The following CRB2 variants were observed in gnomAD, a reference collection of about 807,000 sequenced individuals.
CRB2 encodes the protein crumbs cell polarity complex component 2, also known as protein crumbs homolog 2.
A neutral mutation model predicts 110.9 loss-of-function variants in CRB2; 85 were observed. The observed-to-expected ratio is 0.77, with a 90% CI of 0.64 to 0.92. The LOEUF is 0.92. Ranked by LOEUF, CRB2 falls within the 40% of genes least tolerant of loss-of-function variation. The probability of loss-of-function intolerance (pLI) is 0.00; values close to 1 mark genes in which losing one functional copy is unlikely to be tolerated. For missense variants in CRB2, 1,843 were observed against 1,851.3 expected, an observed-to-expected ratio of 1.00 and a Z score of 0.08; for synonymous variants, 907 against 831.0, an observed-to-expected ratio of 1.09 and a Z score of -1.57.
chr9:123,367,637 C>T lies in CRB2; in HGVS notation c.1005C>T (p.Cys335=). Residue 335 remains cysteine, a synonymous_variant, in exon 6 of 13, where the codon TGC becomes TGT. Coordinates refer to ENST00000373631, the MANE Select transcript of CRB2 (RefSeq NM_173689.7). The part of the protein sequence containing the change: ...ASRPCLNGGH[C]QDLPNGFQCH... Reference sequence around the variant, plus strand: ...GGCCATGCCTCAACGGAGGCCACTGCCAGGACCTGCCCAATGGCTTCCAGT... The same window carrying T: ...GGCCATGCCTCAACGGAGGCCACTGTCAGGACCTGCCCAATGGCTTCCAGT... 6.4e-7 allele frequency: 1 copy of T among 1,570,660 alleles called. No individual in the cohort carries two copies.
chr9:123,359,441 GT>G (rs375773781), intron 1 of CRB2, among the ~76,000 whole-genome samples: 46,617 of 95,102 alleles, frequency 0.49, 10,448 homozygotes, highest in South Asian at 0.56. Context: ...TTTTTGTTTT[GT>G]TTTTTTTTTT....
chr9:123,356,535 AGT>A (rs2041801215), intron 1 of CRB2, among the ~76,000 whole-genome samples, 181 bp downstream of exon 1: 1 of 106,050 alleles, frequency 9.4e-6, no homozygotes, highest in Non-Finnish European at 1.8e-5. Context: ...CACGGAGGTG[AGT>A]GTGTTCTGAG....
At chr9:123,379,275 G>A (rs1391730196), downstream of CRB2, among the ~76,000 whole-genome samples, 2 of 152,242 alleles carry the variant, frequency 1.3e-5, no homozygotes, top group East Asian at 3.9e-4. Flanking sequence ...AAACACCAGC[G>A]TCCAACAGAG....
At chr9:123,376,780 G>T in intron 12 of CRB2, 58 bp from the exon 13 acceptor site, 11 of 1,466,472 alleles carry the variant, frequency 7.5e-6, no homozygotes, top group Non-Finnish European at 1.0e-5. Flanking sequence ...GCTCTCTGAG[G>T]GCCCCGGCGT....
At chr9:123,359,278 C>T (rs2041833430) in intron 1 of CRB2, among the ~76,000 whole-genome samples, 1 of 151,876 alleles carries the variant, frequency 6.6e-6, no homozygotes, top group African/African-American at 2.4e-5. Flanking sequence ...CCTTGGGGCC[C>T]AGGGATATTA....
chr9:123,367,155 CGT>C lies in CRB2; in HGVS notation c.755-9_755-8del. ...GCAACCCCGTGAGACCTGATGTCCG[CGT>C]GTGTGTGCCCCCAGGCTACAGCGGC... is the stretch of plus-strand genomic sequence containing the variant. On this transcript the variant is annotated splice_polypyrimidine_tract_variant and intron_variant, in intron 4 of 12. Transcript: ENST00000373631. 1 of 1,566,536 alleles carries C rather than the reference CGT, an allele frequency of 6.4e-7. No homozygotes were observed.
Position 123,373,913 on chromosome 9 carries a change from C to T in CRB2, c.3382C>T (p.Arg1128Cys), listed in dbSNP as rs1400614812. The part of the protein sequence containing the change: ...CRCPPGFGGP[R>C]CRLPVPSKEC... ...CTGCCCGCCTGGCTTCGGGGGCCCG[C>T]GCTGCAGGTGGGATGGCTGGGCAGG... is the stretch of plus-strand genomic sequence containing the variant. The change falls in exon 10 of 13, where the codon CGC becomes TGC. Residue 1128 changes from arginine (R) to cysteine (C), a missense_variant. By Grantham distance (180) the Arg-to-Cys change is radical (BLOSUM62 -3). Coordinates refer to ENST00000373631, the MANE Select transcript of CRB2 (RefSeq NM_173689.7). 6 of 1,549,250 alleles carry T rather than the reference C, an allele frequency of 3.9e-6. No homozygotes were observed. Among genetic ancestry groups the T allele is most frequent in the South Asian group, 2.4e-5 (2 of 84,272 alleles).
upstream of CRB2, among the ~76,000 whole-genome samples, chr9:123,354,179 C>A (rs575153008): frequency 1.3e-5 from 2 of 152,344 alleles, no homozygotes; most frequent in African/African-American, 4.8e-5. Flanking sequence ...CCGGTGCTGT[C>A]GGGGGAGCCC....
At chr9:123,367,446 ACCCCACAC>A in intron 5 of CRB2, 89 bp downstream of exon 5, 1 of 130,640 alleles carries the variant, frequency 7.7e-6, no homozygotes, top group Non-Finnish European at 1.2e-5. Context: ...CCACCCCCCC[ACCCCACAC>A]CCCACACCCG....
At chr9:123,355,219 T>A (rs2041784734), upstream of CRB2, among the ~76,000 whole-genome samples, 1 of 152,032 alleles carries the variant, frequency 6.6e-6, no homozygotes. Flanking sequence ...CCTGAAGAGC[T>A]CCTCCTGTCC....
At chr9:123,366,576 G>A (rs1249850342) in intron 4 of CRB2, among the ~76,000 whole-genome samples, 2 of 152,238 alleles carry the variant, frequency 1.3e-5, no homozygotes, top group African/African-American at 2.4e-5. Flanking sequence ...GGTTGCTGCG[G>A]GGAGCTCGAA....
In CRB2 at chr9:123,373,879, C is replaced by G; in HGVS notation, c.3348C>G (p.Phe1116Leu). 2 of 1,549,828 alleles carry G rather than the reference C, an allele frequency of 1.3e-6. No homozygotes were observed. The highest frequency in any genetic ancestry group is 1.4e-5 in the African/African-American group (1 of 73,304). Residue 1116 changes from phenylalanine to leucine, a missense_variant, in exon 10 of 13, where the codon TTC becomes TTG. Physicochemically the swap from Phe to Leu is conservative, Grantham distance 22 (BLOSUM62 0). Coordinates refer to ENST00000373631, the MANE Select transcript of CRB2 (RefSeq NM_173689.7). Reference protein sequence around the residue: ...GRCHTHPDGRFECRCPPGFGG... With the variant: ...GRCHTHPDGRLECRCPPGFGG... ...GTCACACGCACCCCGACGGCCGCTT[C>G]GAGTGCCGCTGCCCGCCTGGCTTCG... is the stretch of plus-strand genomic sequence containing the variant.
chr9:123,377,084 A>C lies in CRB2; in HGVS notation c.*22A>C, dbSNP rs763834494. ...CTAGGCCAGCCTGGCTGCTGGCACC[A>C]GCACCTGGAGGTCCTGAATGGTTTC... On this transcript the variant is annotated 3_prime_UTR_variant, in exon 13 of 13. Coordinates refer to ENST00000373631, the MANE Select transcript of CRB2 (RefSeq NM_173689.7). The C allele has an allele frequency of 1.2e-5, 18 of 1,512,320 alleles. No individual in the cohort carries two copies. The South Asian group carries it at 2.3e-4, about 19-fold the overall frequency. 93.7% of individuals were successfully genotyped at this position (1,512,320 alleles called of 1,614,324 possible).
chr9:123,365,531 A>C (rs2041918649), intron 2 of CRB2, among the ~76,000 whole-genome samples: 1 of 152,154 alleles, frequency 6.6e-6, no homozygotes, highest in Non-Finnish European at 1.5e-5. Context: ...ACAGTCCCCT[A>C]TCTGAATCCT....
chr9:123,363,332 T>C, intron 2 of CRB2, 144 bp downstream of exon 2: 1 of 857,358 alleles, frequency 1.2e-6, no homozygotes, highest in South Asian at 1.8e-5. Context: ...ATCCACTTGG[T>C]CTGACTACAG....
At chr9:123,379,159 G>C (rs2042161115), downstream of CRB2, among the ~76,000 whole-genome samples, 1 of 151,852 alleles carries the variant, frequency 6.6e-6, no homozygotes, top group Non-Finnish European at 1.5e-5. Context: ...GTGGGGGCAT[G>C]GTCAGATGAT....
At chr9:123,376,244 A>C (rs1240496581) in intron 12 of CRB2, among the ~76,000 whole-genome samples, 1 of 152,152 alleles carries the variant, frequency 6.6e-6, no homozygotes, top group African/African-American at 2.4e-5. Context: ...GAGGCTGGTG[A>C]GTCCCAGAGC....
In CRB2 at chr9:123,369,605, T is replaced by C. The variant is rs529871472; in HGVS notation, c.1055-503T>C. ...ACTTTCCAGGAAATGCTCGGAGGAATGGGACGTTCAAGATTTGTGGGAAGC... is the reference window on the plus strand; with the variant it reads ...ACTTTCCAGGAAATGCTCGGAGGAACGGGACGTTCAAGATTTGTGGGAAGC... On this transcript the variant is annotated intron_variant, in intron 6 of 12. Transcript: ENST00000373631. 2.0e-5 allele frequency among the ~76,000 whole-genome samples: 3 copies of C among 152,186 alleles called. No individual in the cohort carries two copies. The South Asian group carries it at 6.2e-4, about 32-fold the overall frequency.
chr9:123,370,821 C>T lies in CRB2; in HGVS notation c.1768C>T (p.Leu590=). The change falls in exon 7 of 13, where the codon CTG becomes TTG. Residue 590 remains leucine, a synonymous_variant. Coordinates refer to ENST00000373631, the MANE Select transcript of CRB2 (RefSeq NM_173689.7). ...LQDVRVDGHL[L]LPEDLGENVL... Reference sequence around the variant, plus strand: ...GGACGTGCGTGTGGATGGCCACCTCCTGCTGCCTGAGGATCTCGGTGAGAA... The same window carrying T: ...GGACGTGCGTGTGGATGGCCACCTCTTGCTGCCTGAGGATCTCGGTGAGAA... The T allele has an allele frequency of 6.2e-7, 1 of 1,605,300 alleles. No individual in the cohort carries two copies. The highest frequency in any genetic ancestry group is 8.5e-7 in the Non-Finnish European group (1 of 1,179,982).
Sources: allele counts gnomAD v4.1 joint callset (sites outside exome capture counted in the v4.1 genomes callset), GRCh38; gene constraint gnomAD v4.1.1; transcripts MANE v1.5; gene names NCBI Gene and HGNC (gene_info 2026-07-23, HGNC 2026-07-21).